The following FAM151B variants were observed in gnomAD, a reference collection of about 807,000 sequenced individuals.
The protein encoded by FAM151B is family with sequence similarity 151 member B.
Under a neutral mutation model 31.2 loss-of-function variants are expected in FAM151B, and 24 were observed. The ratio of observed to expected loss-of-function variants is 0.77; its 90% confidence interval spans 0.56 to 1.08. FAM151B has a LOEUF of 1.08. Among genes scored for constraint, FAM151B ranks in the 50% least tolerant of loss-of-function variants. The pLI, the probability that FAM151B is intolerant of heterozygous loss-of-function variation, is 0.00. For synonymous variants in FAM151B, 105 were observed against 111.4 expected, an observed-to-expected ratio of 0.94 and a Z score of 0.36; for missense variants, 293 against 328.6, an observed-to-expected ratio of 0.89 and a Z score of 0.84.
chr5:80,500,820 G>C, intron 1 of FAM151B: 1 of 1,474,398 alleles, frequency 6.8e-7, no homozygotes, highest in Non-Finnish European at 9.4e-7. Flanking sequence ...AAATCAATAA[G>C]AAGCGAATTG....
chr5:80,516,349 A>T (rs903100134), intron 3 of FAM151B, among the ~76,000 whole-genome samples: 11 of 152,156 alleles, frequency 7.2e-5, no homozygotes, highest in Non-Finnish European at 1.3e-4. Context: ...ATATTTTTAA[A>T]TTTTATCTGG....
At chr5:80,525,787 A>ATAAC (rs1561375702) in intron 5 of FAM151B, among the ~76,000 whole-genome samples, 1 of 152,106 alleles carries the variant, frequency 6.6e-6, no homozygotes, top group East Asian at 1.9e-4. Context: ...GCTGCCTTTT[A>ATAAC]TAACTATTTT....
intron 4 of FAM151B, among the ~76,000 whole-genome samples, chr5:80,520,434 C>G (rs946557495): frequency 6.6e-6 from 1 of 151,836 alleles, no homozygotes; most frequent in Admixed American, 6.6e-5. Flanking sequence ...CACCTGAAGT[C>G]AGGAGTTTGA....
chr5:80,492,627 A>G, intron 1 of FAM151B, among the ~76,000 whole-genome samples: 1 of 152,184 alleles, frequency 6.6e-6, no homozygotes, highest in East Asian at 1.9e-4. Context: ...TGTTTATGTG[A>G]AAGGAAGAGT....
rs59410708 is a variant in FAM151B at position 80,502,173 on chromosome 5, C to T, written c.151+256C>T. ...CTCATTGCAGGCTCAAACTCCTGGG[C>T]TCAGGTAATCTGTGAGCCATCACAC... is the stretch of plus-strand genomic sequence containing the variant. On this transcript the variant is annotated intron_variant, in intron 2 of 5. Coordinates refer to ENST00000282226, the MANE Select transcript of FAM151B (RefSeq NM_205548.3). Among the ~76,000 whole-genome samples the T allele has an allele frequency of 9.2e-3, 1,400 of 152,138 alleles. 25 individuals are homozygous for T. Among genetic ancestry groups the T allele is most frequent in the African/African-American group, 0.033 (1,366 of 41,498 alleles).
At chr5:80,532,819 A>C (rs1580455196) in intron 5 of FAM151B, among the ~76,000 whole-genome samples, 1 of 152,232 alleles carries the variant, frequency 6.6e-6, no homozygotes, top group African/African-American at 2.4e-5. Flanking sequence ...CCACAATGGA[A>C]TAAAACTAGA....
intron 5 of FAM151B, among the ~76,000 whole-genome samples, chr5:80,533,229 T>C (rs984439162): frequency 7.9e-5 from 12 of 151,180 alleles, no homozygotes; most frequent in Admixed American, 2.6e-4. Context: ...TACAAAAAAA[T>C]AGCCGGGCGT....
intron 5 of FAM151B, among the ~76,000 whole-genome samples, chr5:80,538,438 T>C (rs1286808264): frequency 0.013 from 729 of 55,660 alleles, 8 homozygotes; most frequent in South Asian, 0.024. Flanking sequence ...CTTTCTTTCT[T>C]TCTTTCTTTC....
chr5:80,503,490 G>C (rs1046460944), intron 2 of FAM151B, among the ~76,000 whole-genome samples: 2 of 152,016 alleles, frequency 1.3e-5, no homozygotes, highest in Non-Finnish European at 2.9e-5. Context: ...GATCGATTGA[G>C]CCCAAGAGCT....
chr5:80,506,093 C>T (rs933197536), intron 2 of FAM151B: 1 of 985,402 alleles, frequency 1.0e-6, no homozygotes, highest in African/African-American at 1.7e-5. Flanking sequence ...ATTTCTGCTC[C>T]ATACAAGCAT....
chr5:80,519,072 A>T (rs1211950248), intron 3 of FAM151B: 3 of 152,200 alleles, frequency 2.0e-5, no homozygotes, highest in Non-Finnish European at 2.9e-5. Context: ...TTTGAACTAA[A>T]ATATACGTAT....
At chr5:80,491,802 T>C (rs1390766286) in intron 1 of FAM151B, among the ~76,000 whole-genome samples, 3 of 152,206 alleles carry the variant, frequency 2.0e-5, no homozygotes, top group Admixed American at 6.5e-5. Flanking sequence ...GATGACAGAA[T>C]TTTCCTTTTT....
intron 2 of FAM151B, among the ~76,000 whole-genome samples, chr5:80,512,029 T>C (rs1456873354): frequency 2.6e-5 from 4 of 152,258 alleles, no homozygotes; most frequent in Non-Finnish European, 5.9e-5. Flanking sequence ...GTGTTCTAAT[T>C]TGTTTTATGC....
At chr5:80,504,063 T>G (rs1743852446) in intron 2 of FAM151B, among the ~76,000 whole-genome samples, 1 of 152,206 alleles carries the variant, frequency 6.6e-6, no homozygotes, top group South Asian at 2.1e-4. Context: ...TCCATCCAAC[T>G]GCTTATTGAT....
chr5:80,532,685 G>A (rs1156595024), intron 5 of FAM151B, among the ~76,000 whole-genome samples: 2 of 152,140 alleles, frequency 1.3e-5, no homozygotes, highest in African/African-American at 4.8e-5. Context: ...TCATCCAACA[G>A]CTGCAAAATA....
At chr5:80,501,319 CGA>C (rs1452879169) in intron 1 of FAM151B, 2 of 1,137,010 alleles carry the variant, frequency 1.8e-6, no homozygotes, top group African/African-American at 1.6e-5. Context: ...CGCGCCCGGC[CGA>C]GAGACCACCC....
intron 1 of FAM151B, among the ~76,000 whole-genome samples, chr5:80,496,265 T>C (rs188290783): frequency 4.6e-5 from 7 of 152,336 alleles, no homozygotes; most frequent in Middle Eastern, 3.4e-3. Flanking sequence ...ACCACCCTGA[T>C]TGGTCAATAG....
intron 2 of FAM151B, chr5:80,506,193 A>G (rs897222333): frequency 4.8e-6 from 4 of 837,664 alleles, no homozygotes; most frequent in Non-Finnish European, 2.9e-6. Context: ...TATTGCTCCC[A>G]TGGTGGGCAA....
intron 2 of FAM151B, among the ~76,000 whole-genome samples, chr5:80,505,004 C>G (rs1319194045): frequency 3.3e-5 from 5 of 152,208 alleles, no homozygotes; most frequent in African/African-American, 7.2e-5. Flanking sequence ...TGCCCTCCCC[C>G]TGGCGAGATA....
Sources: gnomAD v4.1 joint callset for allele counts (sites outside exome capture counted in the v4.1 genomes callset) on GRCh38, gnomAD v4.1.1 for gene constraint, MANE v1.5 for transcripts, NCBI Gene and HGNC (gene_info 2026-07-23, HGNC 2026-07-21) for gene names.